Variants in CNTNAP3B observed in about 807,000 individuals in gnomAD.
CNTNAP3B encodes the protein contactin associated protein family member 3B.
Under a neutral mutation model 108.9 loss-of-function variants are expected in CNTNAP3B, and 25 were observed. The ratio of observed to expected loss-of-function variants is 0.23; its 90% confidence interval spans 0.17 to 0.32. The LOEUF (loss-of-function observed/expected upper bound fraction) is 0.32, where lower values mean the gene tolerates loss of function less well. CNTNAP3B is among the 10% of genes least tolerant of loss of function. The probability of loss-of-function intolerance (pLI) is 1.00; values close to 1 mark genes in which losing one functional copy is unlikely to be tolerated. For synonymous variants in CNTNAP3B, 103 were observed against 473.4 expected (o/e 0.22, Z 10.16); for missense variants, 252 against 1,210.4 (o/e 0.21, Z 11.75).
intron 7 of CNTNAP3B, among the ~76,000 whole-genome samples, chr9:41,995,818 C>T (rs62554987): frequency 4.7e-5 from 6 of 127,182 alleles, no homozygotes; most frequent in Non-Finnish European, 6.6e-5. Context: ...GGCAGATCAC[C>T]TGAGGTCAGG....
chr9:41,972,610 T>A lies in CNTNAP3B; in HGVS notation c.1478-2365A>T, dbSNP rs202138332. Among the ~76,000 whole-genome samples, 41 of 138,262 alleles carry A rather than the reference T, an allele frequency of 3.0e-4. 6 individuals are homozygous for A. Among genetic ancestry groups the A allele is most frequent in the Non-Finnish European group, 5.9e-4 (38 of 64,752 alleles). 90.7% of individuals were successfully genotyped at this position (138,262 alleles called of 152,430 possible). The stretch of plus-strand genomic sequence containing the variant: ...AGGCTTCTTTTTAGCTTATCGAAAC[T>A]ATACATAACCTCACAGACACTTGGA... On this transcript the variant is annotated intron_variant, in intron 9 of 23. Coordinates refer to ENST00000377561, the MANE Select transcript of CNTNAP3B (RefSeq NM_001201380.3).
intron 3 of CNTNAP3B, among the ~76,000 whole-genome samples, chr9:42,047,353 A>AT (rs1826892207): frequency 7.4e-6 from 1 of 134,330 alleles, no homozygotes; most frequent in African/African-American, 3.0e-5. Flanking sequence ...AATGTCAATA[A>AT]TAAGAAGTAA....
At chr9:42,075,134 T>A (rs1827459938) in intron 3 of CNTNAP3B, among the ~76,000 whole-genome samples, 2 of 143,640 alleles carry the variant, frequency 1.4e-5, no homozygotes, top group Non-Finnish European at 3.0e-5. Flanking sequence ...GTCCTTGCAC[T>A]GTGTTCCCTG....
intron 14 of CNTNAP3B, among the ~76,000 whole-genome samples, chr9:41,932,942 T>G (rs1386891632): frequency 2.6e-5 from 4 of 152,298 alleles, no homozygotes; most frequent in African/African-American, 9.6e-5. Context: ...TTCTGGCCAG[T>G]TCAACCTGCA....
intron 7 of CNTNAP3B, 126 bp downstream of exon 7, chr9:41,996,079 T>C: frequency 2.3e-6 from 1 of 427,848 alleles, no homozygotes; most frequent in Non-Finnish European, 4.1e-6. Flanking sequence ...CTATATTACA[T>C]GGGCAGCTGT....
rs1464259966 is a variant in CNTNAP3B at position 42,108,237 on chromosome 9, C to T, written c.86-3498G>A. ...ATTCACTATATTTCCATGTGCTTGG[C>T]TCAATATAGAGGGTTCTAGGGTCTT... is the stretch of plus-strand genomic sequence containing the variant. On this transcript the variant is annotated intron_variant, in intron 1 of 23. Transcript: ENST00000377561. Among the ~76,000 whole-genome samples, 5 of 131,154 alleles carry T rather than the reference C, an allele frequency of 3.8e-5. 1 individual carries two copies. In the South Asian group the frequency reaches 1.3e-3, roughly 33 times the overall value. 86.0% of individuals were successfully genotyped at this position (131,154 alleles called of 152,430 possible). A position where few individuals can be genotyped will look rare whatever the true frequency, so the allele number is the denominator to read the frequency against.
intron 18 of CNTNAP3B, among the ~76,000 whole-genome samples, chr9:41,917,404 C>A (rs1156870667): frequency 1.4e-5 from 2 of 140,958 alleles, no homozygotes; most frequent in Admixed American, 1.4e-4. Context: ...CTGATCCATG[C>A]TCTGTTCCAA....
rs1343975295 is a variant in CNTNAP3B, at chr9:42,029,406, T to G, written c.391-15881A>C. Among the ~76,000 whole-genome samples the G allele has an allele frequency of 6.2e-5, 8 of 129,100 alleles. 1 individual carries two copies. The highest frequency in any genetic ancestry group is 2.5e-4 in the African/African-American group (8 of 31,686). 84.7% of individuals were successfully genotyped at this position (129,100 alleles called of 152,430 possible). On this transcript the variant is annotated intron_variant, in intron 3 of 23. Transcript: ENST00000377561. ...CTTCTGTTTATTTCCTTTTATTGTT[T>G]GTTTTTAGCAGAGAATAACAAAGAA...
intron 14 of CNTNAP3B, among the ~76,000 whole-genome samples, chr9:41,934,124 C>CAT (rs1226684775): frequency 5.1e-4 from 54 of 105,622 alleles, no homozygotes; most frequent in African/African-American, 1.6e-3. Flanking sequence ...TATATATATA[C>CAT]ACACACATAT....
In CNTNAP3B at chr9:42,076,841, G is replaced by A. The variant is rs978556840; in HGVS notation, c.390+28C>T. ...TTTTCTAATAGGTTTGCAGCAATAG[G>A]TAGCAATTATTGTTATTAGAAACAT... On this transcript the variant is annotated intron_variant, in intron 3 of 23. Coordinates refer to ENST00000377561, the MANE Select transcript of CNTNAP3B (RefSeq NM_001201380.3). 20 of 1,538,572 alleles carry A rather than the reference G, an allele frequency of 1.3e-5. 7 individuals are homozygous for A. In the Admixed American group the frequency reaches 2.0e-4, roughly 15 times the overall value.
chr9:41,999,625 C>T (rs1186718595), intron 4 of CNTNAP3B, among the ~76,000 whole-genome samples: 1 of 103,634 alleles, frequency 9.6e-6, no homozygotes, highest in African/African-American at 4.4e-5. Flanking sequence ...CTGACAAAGG[C>T]ACAGAGGTTT....
At chr9:42,107,954 G>T (rs1273911936) in intron 1 of CNTNAP3B, among the ~76,000 whole-genome samples, 1 of 114,506 alleles carries the variant, frequency 8.7e-6, no homozygotes, top group African/African-American at 3.6e-5. Context: ...TAGGCTGGGC[G>T]ACAGAGAAAG....
intron 4 of CNTNAP3B, among the ~76,000 whole-genome samples, chr9:42,002,949 C>T (rs140580010): frequency 0.38 from 45,632 of 119,758 alleles, 10,342 homozygotes; most frequent in East Asian, 0.58. Context: ...TGCAGTGGTA[C>T]CTTCATAGCT....
At chr9:42,093,380 A>G (rs181067543) in intron 2 of CNTNAP3B, among the ~76,000 whole-genome samples, 2 of 95,658 alleles carry the variant, frequency 2.1e-5, no homozygotes, top group Non-Finnish European at 4.4e-5. Context: ...TTAAAAAAAA[A>G]CTACTAATTA....
chr9:42,115,015 C>T (rs989294415), intron 1 of CNTNAP3B, among the ~76,000 whole-genome samples: 6 of 136,658 alleles, frequency 4.4e-5, no homozygotes, highest in Middle Eastern at 3.2e-3. Flanking sequence ...GATTGTGCCA[C>T]TGCTCTCCAG....
At position 42,108,334 on chromosome 9, in the gene CNTNAP3B, A is replaced by C. The variant is rs1002689664; in HGVS notation, c.86-3595T>G. Among the ~76,000 whole-genome samples the C allele has an allele frequency of 5.1e-5, 7 of 136,298 alleles. 1 individual carries two copies. The highest frequency in any genetic ancestry group is 1.1e-4 in the Non-Finnish European group (7 of 64,242). The allele number at this position is 136,298 out of a possible 152,430, so 89.4% of individuals were successfully genotyped here. ...GGCAGAGATTCATTGCTACATAGGTATATTTTATATTATTGTTCTCCTAGA... is the reference window on the plus strand; with the variant it reads ...GGCAGAGATTCATTGCTACATAGGTCTATTTTATATTATTGTTCTCCTAGA... On this transcript the variant is annotated intron_variant, in intron 1 of 23. Transcript: ENST00000377561.
At chr9:41,954,905 T>G (rs1460277918) in intron 12 of CNTNAP3B, among the ~76,000 whole-genome samples, 5 of 152,108 alleles carry the variant, frequency 3.3e-5, no homozygotes, top group African/African-American at 1.2e-4. Flanking sequence ...AGGCTGGTCT[T>G]GAACTCCCAA....
intron 3 of CNTNAP3B, among the ~76,000 whole-genome samples, chr9:42,060,182 G>T (rs1307238330): frequency 7.2e-6 from 1 of 138,254 alleles, no homozygotes; most frequent in Non-Finnish European, 1.5e-5. Flanking sequence ...CCCTTATTTT[G>T]TCGAGCTATA....
rs1460437952 is a variant in CNTNAP3B at position 42,088,857 on chromosome 9, T to C, written c.197-11795A>G. On this transcript the variant is annotated intron_variant, in intron 2 of 23. Transcript: ENST00000377561. ...TTGGCACATCTAACACCTAGGCACA[T>C]TGGGAAGCTTAGTGTAGCTTCTGAC... 4.3e-5 allele frequency among the ~76,000 whole-genome samples: 6 copies of C among 139,530 alleles called. 1 individual carries two copies. Among genetic ancestry groups the C allele is most frequent in the Non-Finnish European group, 7.7e-5 (5 of 65,202 alleles). The allele number at this position is 139,530 out of a possible 152,430, so 91.5% of individuals were successfully genotyped here. A position where few individuals can be genotyped will look rare whatever the true frequency, so the allele number is the denominator to read the frequency against.
Sources: gnomAD v4.1 joint callset for allele counts (sites outside exome capture counted in the v4.1 genomes callset) on GRCh38, gnomAD v4.1.1 for gene constraint, MANE v1.5 for transcripts, NCBI Gene and HGNC (gene_info 2026-07-23, HGNC 2026-07-21) for gene names.